ERC1: variants seen among roughly 807,000 people sequenced by gnomAD.
The protein encoded by ERC1 is ELKS/RAB6-interacting/CAST family member 1.
In ERC1, 56 loss-of-function variants were observed where a neutral mutation model predicts 132.0. The ratio of observed to expected loss-of-function variants is 0.42; its 90% confidence interval spans 0.34 to 0.53. The LOEUF (loss-of-function observed/expected upper bound fraction) is 0.53. Ranked by LOEUF, ERC1 falls within the 20% of genes least tolerant of loss-of-function variation. ERC1 has a pLI of 0.03. For missense variants in ERC1, 1,202 were observed against 1,349.9 expected (o/e 0.89, Z 1.72); for synonymous variants, 478 against 476.1 (o/e 1.00, Z -0.05).
intron 17 of ERC1, among the ~76,000 whole-genome samples, chr12:1,424,864 CGATAGATAGATAGATA>C (rs57661979): frequency 7.8e-4 from 79 of 101,048 alleles, no homozygotes; most frequent in South Asian, 2.4e-3. Flanking sequence ...ATAGATAGAT[CGATAGATAGATAGATA>C]GATAGATAGA....
intron 15 of ERC1, among the ~76,000 whole-genome samples, chr12:1,307,376 G>A (rs772567024): frequency 1.3e-5 from 2 of 152,136 alleles, no homozygotes; most frequent in African/African-American, 2.4e-5. Context: ...AACATGTTAG[G>A]TGAGGTGTTT....
chr12:1,382,251 C>A (rs889813717), intron 16 of ERC1, among the ~76,000 whole-genome samples: 4 of 152,262 alleles, frequency 2.6e-5, no homozygotes, highest in African/African-American at 9.6e-5. Context: ...GCGCCTAACC[C>A]TAGGGCTGTA....
chr12:1,382,243 G>A (rs185859394), intron 16 of ERC1, among the ~76,000 whole-genome samples: 2 of 152,284 alleles, frequency 1.3e-5, no homozygotes, highest in East Asian at 1.9e-4. Flanking sequence ...ACTTAATAGC[G>A]CCTAACCCTA....
At chr12:1,068,113 G>T (rs910866101) in intron 2 of ERC1, among the ~76,000 whole-genome samples, 1 of 151,608 alleles carries the variant, frequency 6.6e-6, no homozygotes, top group Admixed American at 6.6e-5. Context: ...TGTATTTTTA[G>T]TAGAGATGGG....
chr12:1,033,116 A>G (rs1968377234), intron 2 of ERC1, among the ~76,000 whole-genome samples: 1 of 151,316 alleles, frequency 6.6e-6, no homozygotes, highest in South Asian at 2.1e-4. Context: ...GGCTCACTGC[A>G]AGCTCCACCT....
At chr12:1,025,534 C>T (rs546749551) in intron 1 of ERC1, among the ~76,000 whole-genome samples, 5 of 152,092 alleles carry the variant, frequency 3.3e-5, no homozygotes, top group African/African-American at 1.2e-4. Context: ...ATTTAAGAAG[C>T]CTTTTCCTAA....
Position 1,039,031 on chromosome 12 carries a change from C to T in ERC1, c.669+10459C>T, listed in dbSNP as rs1240443606. ...CCAGCCTCGGCAAAATAGTGAGACC[C>T]CATCTCTTAAAAAACAAAATTAGGG... On this transcript the variant is annotated intron_variant, in intron 2 of 18. Coordinates refer to ENST00000360905, the MANE Select transcript of ERC1 (RefSeq NM_178040.4). Among the ~76,000 whole-genome samples the T allele has an allele frequency of 2.0e-5, 3 of 151,592 alleles. No homozygotes were observed. In the East Asian group the frequency reaches 5.9e-4, roughly 30 times the overall value.
At position 1,344,342 on chromosome 12, in the gene ERC1, G is replaced by A. The variant is rs547903733; in HGVS notation, c.2781-27491G>A. Reference sequence around the variant, plus strand: ...GTACTTTGAGTATGCAGTAGATTCCGTCAGCATCTCAGTGGGAGAAAGGGG... The same window carrying A: ...GTACTTTGAGTATGCAGTAGATTCCATCAGCATCTCAGTGGGAGAAAGGGG... On this transcript the variant is annotated intron_variant, in intron 15 of 18. Transcript: ENST00000360905. 1.8e-4 allele frequency among the ~76,000 whole-genome samples: 27 copies of A among 152,170 alleles called. 1 individual carries two copies. The highest frequency in any genetic ancestry group is 1.2e-3 in the Admixed American group (19 of 15,286).
intron 8 of ERC1, among the ~76,000 whole-genome samples, chr12:1,162,075 C>T (rs1396879003): frequency 6.6e-6 from 1 of 152,168 alleles, no homozygotes; most frequent in East Asian, 1.9e-4. Context: ...CCACTGTCCA[C>T]CCATAGTCTT....
At chr12:1,129,908 G>A (rs1250803084) in intron 7 of ERC1, among the ~76,000 whole-genome samples, 5 of 152,086 alleles carry the variant, frequency 3.3e-5, no homozygotes, top group Non-Finnish European at 7.4e-5. Context: ...TAATAGTATG[G>A]CATAGACCTT....
At chr12:1,401,073 C>T (rs950419109) in intron 16 of ERC1, among the ~76,000 whole-genome samples, 1 of 151,084 alleles carries the variant, frequency 6.6e-6, no homozygotes, top group Non-Finnish European at 1.5e-5. Flanking sequence ...GTAGCTGGGA[C>T]TACAGACGCC....
chr12:1,450,978 T>C (rs2093413900), intron 18 of ERC1, among the ~76,000 whole-genome samples: 1 of 152,222 alleles, frequency 6.6e-6, no homozygotes, highest in South Asian at 2.1e-4. Context: ...CTATTCAAGT[T>C]CTCAGCCTAT....
intron 17 of ERC1, among the ~76,000 whole-genome samples, chr12:1,420,402 A>T (rs1446941231): frequency 1.3e-5 from 2 of 151,192 alleles, no homozygotes; most frequent in South Asian, 2.1e-4. Flanking sequence ...TTTTTCCTTT[A>T]AAAAAAAAGT....
intron 2 of ERC1, among the ~76,000 whole-genome samples, chr12:1,075,552 G>T: frequency 6.6e-6 from 1 of 152,138 alleles, no homozygotes; most frequent in East Asian, 1.9e-4. Context: ...TTAGCCAGGC[G>T]TGGTGGTGCT....
At chr12:1,251,642 G>A (rs1386857810) in intron 13 of ERC1, among the ~76,000 whole-genome samples, 1 of 152,038 alleles carries the variant, frequency 6.6e-6, no homozygotes, top group African/African-American at 2.4e-5. Flanking sequence ...ATCTCAAACT[G>A]GGCCACTTTT....
chr12:1,297,026 T>TA (rs1042374280), intron 15 of ERC1, among the ~76,000 whole-genome samples: 130 of 151,358 alleles, frequency 8.6e-4, no homozygotes, highest in African/African-American at 2.9e-3. Context: ...ATACAAAAAA[T>TA]AAAAAAATCA....
chr12:1,398,233 C>A (rs1006728051), intron 16 of ERC1, among the ~76,000 whole-genome samples: 1 of 152,142 alleles, frequency 6.6e-6, no homozygotes, highest in African/African-American at 2.4e-5. Context: ...ATCCTCCCTC[C>A]TCAGCCTCCC....
intron 8 of ERC1, among the ~76,000 whole-genome samples, chr12:1,174,040 G>C (rs1044013212): frequency 1.3e-5 from 2 of 151,632 alleles, no homozygotes; most frequent in African/African-American, 4.9e-5. Context: ...TCATGATGCT[G>C]GATTCAGTGG....
intron 7 of ERC1, among the ~76,000 whole-genome samples, chr12:1,137,453 G>T (rs1017022505): frequency 6.6e-6 from 1 of 151,924 alleles, no homozygotes; most frequent in African/African-American, 2.4e-5. Context: ...ATTTAACTAC[G>T]CTGAGTCACA....
Sources: gnomAD v4.1 joint callset for allele counts (sites outside exome capture counted in the v4.1 genomes callset) on GRCh38, gnomAD v4.1.1 for gene constraint, MANE v1.5 for transcripts, NCBI Gene and HGNC (gene_info 2026-07-23, HGNC 2026-07-21) for gene names.